Variants in MPP7 observed in about 807,000 individuals in gnomAD.
MPP7 encodes the protein MAGUK p55 subfamily member 7.
Under a neutral mutation model 76.5 loss-of-function variants are expected in MPP7, and 60 were observed. The ratio of observed to expected loss-of-function variants is 0.78; its 90% confidence interval spans 0.64 to 0.97. MPP7 has a LOEUF of 0.97. Among genes scored for constraint, MPP7 ranks in the 50% least tolerant of loss-of-function variants. The pLI, the probability that MPP7 is intolerant of heterozygous loss-of-function variation, is 0.00. For missense variants in MPP7, 641 were observed against 694.0 expected (o/e 0.92, Z 0.86); for synonymous variants, 237 against 244.5 (o/e 0.97, Z 0.29).
chr10:28,106,561 T>G (rs2133542809), intron 11 of MPP7, among the ~76,000 whole-genome samples: 1 of 152,278 alleles, frequency 6.6e-6, no homozygotes, highest in Middle Eastern at 3.4e-3. Context: ...AAAAAGTTAT[T>G]TAGAAGCTTT....
chr10:28,275,105 G>C (rs953077364), intron 1 of MPP7, among the ~76,000 whole-genome samples: 5 of 152,100 alleles, frequency 3.3e-5, no homozygotes, highest in African/African-American at 1.2e-4. Context: ...CAAGAAATTT[G>C]GCTGCAATTA....
At chr10:28,136,055 C>G (rs1273458006) in intron 5 of MPP7, among the ~76,000 whole-genome samples, 1 of 151,782 alleles carries the variant, frequency 6.6e-6, no homozygotes, top group Non-Finnish European at 1.5e-5. Context: ...GAGCGTGAAC[C>G]CTATTGTGAA....
intron 11 of MPP7, among the ~76,000 whole-genome samples, chr10:28,104,335 A>C (rs1254125940): frequency 6.6e-6 from 1 of 152,222 alleles, no homozygotes; most frequent in Non-Finnish European, 1.5e-5. Flanking sequence ...AACAAGTGGG[A>C]TTGGGAGGAA....
intron 11 of MPP7, among the ~76,000 whole-genome samples, chr10:28,111,898 C>A (rs537438180): frequency 1.3e-5 from 2 of 152,214 alleles, no homozygotes; most frequent in South Asian, 4.2e-4. Flanking sequence ...ACTACAATGA[C>A]CTCAGAGCAA....
chr10:28,252,196 T>C (rs1242096350), intron 1 of MPP7, among the ~76,000 whole-genome samples: 1 of 152,226 alleles, frequency 6.6e-6, no homozygotes, highest in Non-Finnish European at 1.5e-5. Flanking sequence ...TAACAAAAAA[T>C]ATCAAACTAT....
intron 2 of MPP7, among the ~76,000 whole-genome samples, chr10:28,315,448 C>T (rs1203780175): frequency 6.6e-6 from 1 of 152,064 alleles, no homozygotes; most frequent in African/African-American, 2.4e-5. Flanking sequence ...GTTGTGCCCC[C>T]TTTTCGAGCT....
rs201556820 is a variant in MPP7 at position 28,054,055 on chromosome 10, T to C, written c.*10A>G. On this transcript the variant is annotated 3_prime_UTR_variant, in exon 17 of 17. Transcript: ENST00000683449. ...CTATAGAAAAAGACAATTATGGAAATTTCTCTTAGTTATGAATGTAACCAG... is the reference window on the plus strand; with the variant it reads ...CTATAGAAAAAGACAATTATGGAAACTTCTCTTAGTTATGAATGTAACCAG... 9 of 1,602,258 alleles carry C rather than the reference T, an allele frequency of 5.6e-6. No individual in the cohort carries two copies. Among genetic ancestry groups the C allele is most frequent in the Middle Eastern group, 1.7e-4 (1 of 5,856 alleles).
chr10:28,231,063 T>C (rs1838865390), intron 2 of MPP7, among the ~76,000 whole-genome samples: 1 of 151,900 alleles, frequency 6.6e-6, no homozygotes, highest in African/African-American at 2.4e-5. Context: ...AGAATACTTA[T>C]TGAAATTAAC....
At chr10:28,285,346 C>A (rs769919880) in intron 1 of MPP7, among the ~76,000 whole-genome samples, 8 of 152,136 alleles carry the variant, frequency 5.3e-5, no homozygotes, top group Non-Finnish European at 1.0e-4. Context: ...CCACCACACC[C>A]AGCTAATTTT....
intron 1 of MPP7, among the ~76,000 whole-genome samples, chr10:28,297,716 G>A (rs573935319): frequency 6.6e-6 from 1 of 152,194 alleles, no homozygotes; most frequent in East Asian, 1.9e-4. Flanking sequence ...TAAAAAAAAT[G>A]AAGTTTGCCA....
At chr10:28,093,293 T>C (rs1564626982) in intron 11 of MPP7, among the ~76,000 whole-genome samples, 2 of 152,120 alleles carry the variant, frequency 1.3e-5, no homozygotes, top group Non-Finnish European at 2.9e-5. Context: ...CAGGAATGGA[T>C]ATAACAAGAA....
intron 3 of MPP7, among the ~76,000 whole-genome samples, chr10:28,180,847 C>T (rs1043144584): frequency 6.6e-6 from 1 of 152,146 alleles, no homozygotes; most frequent in African/African-American, 2.4e-5. Flanking sequence ...AAGGCTTCTG[C>T]CCAGCGGTGA....
chr10:28,075,841 G>A (rs1852458351), intron 12 of MPP7, among the ~76,000 whole-genome samples: 1 of 152,110 alleles, frequency 6.6e-6, no homozygotes, highest in African/African-American at 2.4e-5. Flanking sequence ...TGTCTTGATT[G>A]TCTAACAGAC....
chr10:28,279,074 GA>G (rs1840589849), intron 1 of MPP7, among the ~76,000 whole-genome samples: 1 of 152,046 alleles, frequency 6.6e-6, no homozygotes, highest in Non-Finnish European at 1.5e-5. Context: ...TCTTGAAATA[GA>G]AATGGCATAA....
intron 3 of MPP7, among the ~76,000 whole-genome samples, chr10:28,172,749 T>A (rs1836726335): frequency 6.6e-6 from 1 of 152,246 alleles, no homozygotes; most frequent in Non-Finnish European, 1.5e-5. Flanking sequence ...TAATTACACA[T>A]TTGCCAAAAA....
chr10:28,120,602 C>G lies in MPP7; in HGVS notation c.682G>C (p.Glu228Gln). The G allele has an allele frequency of 7.4e-6, 12 of 1,613,700 alleles. No individual in the cohort carries two copies. The highest frequency in any genetic ancestry group is 9.3e-6 in the Non-Finnish European group (11 of 1,179,756). ...TTTTAAGCAATAATTACCTTGCCTT[C>G]TTTTGATGGTGTCTCCTCTTTGCTG... ...PGSKEETPSK[E>Q]GKMFIKALFD... Residue 228 changes from glutamate (E) to glutamine (Q), a missense_variant, in exon 9 of 17, where the codon GAA becomes CAA. Coordinates refer to ENST00000683449, the MANE Select transcript of MPP7 (RefSeq NM_001318170.2).
At chr10:28,123,462 C>CT (rs200098933) in intron 8 of MPP7, among the ~76,000 whole-genome samples, 1,965 of 92,360 alleles carry the variant, frequency 0.021, 12 homozygotes, top group African/African-American at 0.031. Flanking sequence ...GTACTAAATT[C>CT]TTTTTTTTTT....
chr10:28,267,453 A>C (rs1035393349), intron 1 of MPP7, among the ~76,000 whole-genome samples: 2 of 152,190 alleles, frequency 1.3e-5, no homozygotes, highest in African/African-American at 4.8e-5. Flanking sequence ...ATAAACAAAG[A>C]AGCAATAAAT....
intron 2 of MPP7, among the ~76,000 whole-genome samples, chr10:28,216,533 G>A (rs550531639): frequency 6.6e-6 from 1 of 152,254 alleles, no homozygotes; most frequent in South Asian, 2.1e-4. Context: ...TAACCACACT[G>A]AAATAGTTGC....
Sources: gnomAD v4.1 joint callset for allele counts (sites outside exome capture counted in the v4.1 genomes callset) on GRCh38, gnomAD v4.1.1 for gene constraint, MANE v1.5 for transcripts, NCBI Gene and HGNC (gene_info 2026-07-23, HGNC 2026-07-21) for gene names.